The following SNX3 variants were observed in gnomAD, a reference collection of about 807,000 sequenced individuals.
The protein encoded by SNX3 is sorting nexin 3.
A neutral mutation model predicts 17.7 loss-of-function variants in SNX3; 5 were observed. That is an observed-to-expected ratio of 0.28 (90% CI 0.15 to 0.59). The LOEUF (loss-of-function observed/expected upper bound fraction) is 0.59. Among genes scored for constraint, SNX3 ranks in the 20% least tolerant of loss-of-function variants. The pLI is 0.88. For synonymous variants in SNX3, 91 were observed against 76.5 expected (o/e 1.19, Z -0.99); for missense variants, 132 against 206.8 (o/e 0.64, Z 2.22).
chr6:108,225,338 C>T (rs866430051), intron 1 of SNX3, among the ~76,000 whole-genome samples: 1 of 151,986 alleles, frequency 6.6e-6, no homozygotes, highest in Admixed American at 6.6e-5. Flanking sequence ...GTGGCTCACG[C>T]CTGTAATCCC....
intron 1 of SNX3, among the ~76,000 whole-genome samples, chr6:108,251,298 A>T (rs1775850162): frequency 6.6e-6 from 1 of 152,214 alleles, no homozygotes; most frequent in East Asian, 1.9e-4. Context: ...AATTCCAGGC[A>T]TTAGCAAAAA....
intron 2 of SNX3, among the ~76,000 whole-genome samples, chr6:108,215,349 GAA>G (rs1345107306): frequency 7.3e-5 from 7 of 95,836 alleles, no homozygotes; most frequent in East Asian, 3.3e-4. Context: ...ACTCCGTCTA[GAA>G]AAAAAAAAAA....
chr6:108,235,054 T>C (rs1035487736), intron 1 of SNX3, among the ~76,000 whole-genome samples: 4 of 152,346 alleles, frequency 2.6e-5, no homozygotes, highest in South Asian at 4.1e-4. Flanking sequence ...GCAGTAGTAG[T>C]AGCTACTTTG....
intron 2 of SNX3, among the ~76,000 whole-genome samples, chr6:108,217,747 TC>T (rs1308723521): frequency 1.4e-4 from 18 of 130,826 alleles, no homozygotes; most frequent in African/African-American, 5.4e-4. Context: ...AGACACCGTC[TC>T]AAAAAAAAAA....
intron 1 of SNX3, among the ~76,000 whole-genome samples, chr6:108,236,049 C>T (rs944792782): frequency 2.0e-5 from 3 of 152,080 alleles, no homozygotes; most frequent in African/African-American, 7.2e-5. Flanking sequence ...GGAAAGTATT[C>T]CTTCATAATT....
intron 1 of SNX3, among the ~76,000 whole-genome samples, chr6:108,229,404 GTCTC>G (rs1775071039): frequency 6.6e-6 from 1 of 151,040 alleles, no homozygotes; most frequent in Non-Finnish European, 1.5e-5. Context: ...CCTTTCCTCA[GTCTC>G]TCTGCTTCCC....
intron 2 of SNX3, among the ~76,000 whole-genome samples, chr6:108,219,736 C>G (rs1016582070): frequency 6.6e-6 from 1 of 152,208 alleles, no homozygotes; most frequent in Non-Finnish European, 1.5e-5. Flanking sequence ...AATGACAATG[C>G]TATTTTTGTT....
intron 1 of SNX3, among the ~76,000 whole-genome samples, chr6:108,225,999 T>C (rs1046704440): frequency 1.4e-5 from 2 of 146,752 alleles, no homozygotes. Flanking sequence ...ATGATTATGA[T>C]TGCACCACTG....
chr6:108,218,204 G>C (rs1774647313), intron 2 of SNX3, among the ~76,000 whole-genome samples: 2 of 151,996 alleles, frequency 1.3e-5, no homozygotes. Flanking sequence ...ATAAAAAGAT[G>C]AACCCATTGA....
chr6:108,255,242 G>A (rs759179573), intron 1 of SNX3, among the ~76,000 whole-genome samples: 6 of 152,204 alleles, frequency 3.9e-5, no homozygotes, highest in Non-Finnish European at 2.9e-5. Flanking sequence ...AAAGTCAGCC[G>A]TAGCTGGCAG....
intron 1 of SNX3, among the ~76,000 whole-genome samples, chr6:108,232,355 T>C (rs1392322359): frequency 6.6e-6 from 1 of 152,176 alleles, no homozygotes; most frequent in Non-Finnish European, 1.5e-5. Context: ...AAAAGATTTC[T>C]CAAACCATGG....
At chr6:108,243,909 G>C (rs192697268) in intron 1 of SNX3, among the ~76,000 whole-genome samples, 309 of 152,206 alleles carry the variant, frequency 2.0e-3, no homozygotes, top group African/African-American at 7.1e-3. Context: ...TCCCAGCCTG[G>C]GTAAGAAAGT....
chr6:108,249,805 G>A (rs573652428), intron 1 of SNX3, among the ~76,000 whole-genome samples: 13 of 152,274 alleles, frequency 8.5e-5, no homozygotes, highest in African/African-American at 2.4e-4. Context: ...ATAGGGTTAT[G>A]CATTAAGATC....
At chr6:108,231,809 T>TA (rs1775168552) in intron 1 of SNX3, among the ~76,000 whole-genome samples, 1 of 152,228 alleles carries the variant, frequency 6.6e-6, no homozygotes, top group African/African-American at 2.4e-5. Flanking sequence ...TGAAGTTATT[T>TA]ATCTAACTTT....
In SNX3 at chr6:108,256,336, G is replaced by A. The variant is rs1255250981; in HGVS notation, c.162+4424C>T. On this transcript the variant is annotated intron_variant, in intron 1 of 3. Coordinates refer to ENST00000230085, the MANE Select transcript of SNX3 (RefSeq NM_003795.6). ...GAAGGTATACTTCCATGACAAGTAG[G>A]TTTCTTGACAAGAAAATCTAACAAT... 3.9e-5 allele frequency among the ~76,000 whole-genome samples: 6 copies of A among 152,164 alleles called. No individual in the cohort carries two copies. The East Asian group carries it at 1.2e-3, about 29-fold the overall frequency.
chr6:108,227,332 T>A (rs1012841367), intron 1 of SNX3, among the ~76,000 whole-genome samples: 1 of 152,024 alleles, frequency 6.6e-6, no homozygotes, highest in African/African-American at 2.4e-5. Flanking sequence ...GCGAAAAGAG[T>A]CCCCTAAGAA....
intron 1 of SNX3, among the ~76,000 whole-genome samples, chr6:108,250,828 A>C (rs1775833454): frequency 6.6e-6 from 1 of 152,236 alleles, no homozygotes; most frequent in African/African-American, 2.4e-5. Context: ...ATCAGTGATA[A>C]AATCAAAGTT....
intron 2 of SNX3, among the ~76,000 whole-genome samples, chr6:108,217,483 G>A (rs539866208): frequency 5.3e-5 from 8 of 152,124 alleles, no homozygotes; most frequent in East Asian, 1.9e-4. Context: ...GGTTGGGTGC[G>A]GTAGCTCACA....
At chr6:108,233,993 T>C (rs1393617699) in intron 1 of SNX3, among the ~76,000 whole-genome samples, 3 of 152,112 alleles carry the variant, frequency 2.0e-5, no homozygotes, top group Admixed American at 6.6e-5. Context: ...TTTTCTAAGC[T>C]TCTACATATG....
Sources: gnomAD v4.1 joint callset for allele counts (sites outside exome capture counted in the v4.1 genomes callset) on GRCh38, gnomAD v4.1.1 for gene constraint, MANE v1.5 for transcripts, NCBI Gene and HGNC (gene_info 2026-07-23, HGNC 2026-07-21) for gene names.